FSHR: variants seen among roughly 807,000 people sequenced by gnomAD.
FSHR encodes the protein follicle-stimulating hormone receptor.
FSHR carries 46 observed loss-of-function variants against 52.1 expected under a neutral mutation model. That is an observed-to-expected ratio of 0.88 (90% CI 0.70 to 1.13). The LOEUF (loss-of-function observed/expected upper bound fraction) is 1.13, where lower values mean the gene tolerates loss of function less well. FSHR is among the 50% of genes most tolerant of loss of function. FSHR has a pLI of 0.00. For synonymous variants in FSHR, 399 were observed against 309.6 expected, an observed-to-expected ratio of 1.29 and a Z score of -3.03; for missense variants, 964 against 834.6, an observed-to-expected ratio of 1.16 and a Z score of -1.91.
intron 4 of FSHR, among the ~76,000 whole-genome samples, chr2:49,000,177 A>G (rs1170602308): frequency 1.3e-5 from 2 of 152,102 alleles, no homozygotes; most frequent in African/African-American, 4.8e-5. Context: ...CTCTTAGATT[A>G]TAACTAGGGG....
In FSHR at chr2:48,963,264, G is replaced by A; in HGVS notation, c.1557C>T (p.Pro519=). The A allele has an allele frequency of 6.2e-7, 1 of 1,614,116 alleles. No homozygotes were observed. The highest frequency in any genetic ancestry group is 8.5e-7 in the Non-Finnish European group (1 of 1,180,028). Residue 519 remains proline, a synonymous_variant, in exon 10 of 10, where the codon CCC becomes CCT. Coordinates refer to ENST00000406846, the MANE Select transcript of FSHR (RefSeq NM_000145.4). ...GTGACAAAGGGCTGTCAATATCCAT[G>A]GGCAGGCAGATGCTCACCTTCATGT... ...SSYMKVSICL[P]MDIDSPLSQL... is the part of the protein sequence containing the mutation.
chr2:49,096,306 T>C (rs1670819867), intron 1 of FSHR, among the ~76,000 whole-genome samples: 1 of 152,212 alleles, frequency 6.6e-6, no homozygotes, highest in Admixed American at 6.5e-5. Context: ...TGATAAATGA[T>C]ATAACATAGA....
intron 4 of FSHR, among the ~76,000 whole-genome samples, chr2:49,005,987 A>G (rs1226213718): frequency 6.6e-6 from 1 of 152,072 alleles, no homozygotes; most frequent in Non-Finnish European, 1.5e-5. Flanking sequence ...GGCAGAAAAA[A>G]CGTGAAAAGA....
intron 1 of FSHR, among the ~76,000 whole-genome samples, chr2:49,077,279 T>A (rs756979455): frequency 6.6e-6 from 1 of 152,198 alleles, no homozygotes; most frequent in Non-Finnish European, 1.5e-5. Context: ...GTGCTCAACA[T>A]CATGTGGAAG....
intron 1 of FSHR, among the ~76,000 whole-genome samples, chr2:49,088,979 G>A (rs1324855889): frequency 1.3e-5 from 2 of 151,934 alleles, no homozygotes; most frequent in African/African-American, 4.8e-5. Flanking sequence ...TGCAAATGTC[G>A]AACGTTCAAA....
intron 1 of FSHR, among the ~76,000 whole-genome samples, chr2:49,103,053 T>C (rs1671091567): frequency 1.3e-5 from 2 of 152,294 alleles, no homozygotes; most frequent in South Asian, 2.1e-4. Flanking sequence ...CACAGTTATA[T>C]TGTATATCTG....
At chr2:49,112,317 C>T (rs1671451745) in intron 1 of FSHR, among the ~76,000 whole-genome samples, 1 of 151,972 alleles carries the variant, frequency 6.6e-6, no homozygotes, top group Non-Finnish European at 1.5e-5. Flanking sequence ...ATAACACACA[C>T]AATAGAATAC....
rs759120376 is a variant in FSHR at position 48,963,886 on chromosome 2, G to A, written c.935C>T (p.Ser312Phe). ...DYMTQARGQR[S>F]SLAEDNESSY... Reference sequence around the variant, plus strand: ...GGACTCATTGTCTTCTGCCAGAGAGGATCTCTGACCCCTAGCCTGAGTCAT... The same window carrying A: ...GGACTCATTGTCTTCTGCCAGAGAGAATCTCTGACCCCTAGCCTGAGTCAT... Residue 312 changes from serine (S) to phenylalanine (F), a missense_variant, in exon 10 of 10, where the codon TCC (serine) becomes TTC (phenylalanine). Ser to Phe is a radical substitution (Grantham distance 155, BLOSUM62 -2). Coordinates refer to ENST00000406846, the MANE Select transcript of FSHR (RefSeq NM_000145.4). 1.9e-6 allele frequency: 3 copies of A among 1,613,320 alleles called. No individual in the cohort carries two copies. The South Asian group carries it at 3.3e-5, about 18-fold the overall frequency.
At position 49,065,497 on chromosome 2, in the gene FSHR, T is replaced by G. The variant is rs529999418; in HGVS notation, c.224+2722A>C. Among the ~76,000 whole-genome samples the G allele has an allele frequency of 3.3e-5, 5 of 152,166 alleles. No individual in the cohort carries two copies. In the East Asian group the frequency reaches 5.8e-4, roughly 18 times the overall value. ...CAAGGGAGACTGGATTTTCCTTGTT[T>G]GGGAACCTGGGCAGATGGTGACATG... On this transcript the variant is annotated intron_variant, in intron 2 of 9. Transcript: ENST00000406846.
chr2:49,114,068 C>G (rs1671517779), intron 1 of FSHR, among the ~76,000 whole-genome samples: 1 of 152,146 alleles, frequency 6.6e-6, no homozygotes, highest in Non-Finnish European at 1.5e-5. Flanking sequence ...TGGTTATACT[C>G]CCAGCCTCTC....
intron 1 of FSHR, among the ~76,000 whole-genome samples, chr2:49,132,840 T>G (rs1186208463): frequency 6.6e-6 from 1 of 152,052 alleles, no homozygotes; most frequent in African/African-American, 2.4e-5. Flanking sequence ...TCTGCTGTCC[T>G]GTTCCACGGT....
intron 2 of FSHR, among the ~76,000 whole-genome samples, chr2:49,033,847 C>A (rs1668187373): frequency 6.6e-6 from 1 of 152,104 alleles, no homozygotes; most frequent in Non-Finnish European, 1.5e-5. Context: ...ATACAGGGCA[C>A]AAAGGGGCAG....
intron 1 of FSHR, among the ~76,000 whole-genome samples, chr2:49,082,643 T>A (rs1421303759): frequency 6.6e-6 from 1 of 151,740 alleles, no homozygotes; most frequent in Non-Finnish European, 1.5e-5. Flanking sequence ...TACAGAGAAG[T>A]GCTTAAAGGA....
At chr2:49,013,264 T>C (rs1021623560) in intron 4 of FSHR, among the ~76,000 whole-genome samples, 1 of 151,724 alleles carries the variant, frequency 6.6e-6, no homozygotes, top group African/African-American at 2.4e-5. Flanking sequence ...AATAAATTTC[T>C]GTTGTTTAAT....
intron 1 of FSHR, among the ~76,000 whole-genome samples, chr2:49,147,997 T>A (rs1248728167): frequency 2.0e-5 from 3 of 151,972 alleles, no homozygotes; most frequent in African/African-American, 7.2e-5. Flanking sequence ...CAGAGAGAAC[T>A]ACGACAATCA....
intron 1 of FSHR, among the ~76,000 whole-genome samples, chr2:49,128,506 C>T (rs1192841042): frequency 2.0e-5 from 3 of 151,790 alleles, no homozygotes; most frequent in Non-Finnish European, 4.4e-5. Context: ...AAAAAAAATG[C>T]TAACACCTAC....
intron 2 of FSHR, among the ~76,000 whole-genome samples, chr2:49,067,063 C>G (rs1208045298): frequency 6.6e-6 from 1 of 152,054 alleles, no homozygotes; most frequent in Non-Finnish European, 1.5e-5. Flanking sequence ...AAATCGGGCT[C>G]TCCTGCAACA....
chr2:49,003,828 C>G (rs1666990618), intron 4 of FSHR, among the ~76,000 whole-genome samples: 1 of 150,208 alleles, frequency 6.7e-6, no homozygotes, highest in Non-Finnish European at 1.5e-5. Context: ...GTGACACTCT[C>G]CCTTCTCTCC....
intron 1 of FSHR, among the ~76,000 whole-genome samples, chr2:49,109,418 C>T (rs538061599): frequency 4.0e-4 from 61 of 152,166 alleles, no homozygotes; most frequent in South Asian, 1.0e-3. Flanking sequence ...GGTGCCATGG[C>T]CAGATTTATG....
Sources: allele counts gnomAD v4.1 joint callset (sites outside exome capture counted in the v4.1 genomes callset), GRCh38; gene constraint gnomAD v4.1.1; transcripts MANE v1.5; gene names NCBI Gene and HGNC (gene_info 2026-07-23, HGNC 2026-07-21).